ABCB7: variants seen among roughly 807,000 people sequenced by gnomAD.
The protein encoded by ABCB7 is ATP binding cassette subfamily B member 7, also known as iron-sulfur clusters transporter ABCB7, mitochondrial.
A neutral mutation model predicts 54.4 loss-of-function variants in ABCB7; 7 were observed. The ratio of observed to expected loss-of-function variants is 0.13; its 90% CI spans 0.07 to 0.24. The LOEUF (loss-of-function observed/expected upper bound fraction) is 0.24. Among genes scored for constraint, ABCB7 ranks in the 10% least tolerant of loss-of-function variants. ABCB7 has a pLI of 1.00. For synonymous variants in ABCB7, 218 were observed against 207.1 expected, an observed-to-expected ratio of 1.05 and a Z score of -0.45; for missense variants, 356 against 570.4, an observed-to-expected ratio of 0.62 and a Z score of 3.83.
chrX:75,061,610 A>G (rs1352500827), intron 14 of ABCB7, among the ~76,000 whole-genome samples: 1 of 111,877 alleles, frequency 8.9e-6, no homozygotes, highest in East Asian at 2.8e-4. Context: ...CTTCAACACT[A>G]GCTTTATACT....
intron 1 of ABCB7, among the ~76,000 whole-genome samples, chrX:75,129,606 A>AATAT (rs200770704): frequency 4.8e-5 from 5 of 105,022 alleles, no homozygotes; most frequent in African/African-American, 1.4e-4. Context: ...AAATATATAT[A>AATAT]ATATATATAT....
rs199498531 is a variant in ABCB7 at position 75,125,776 on chromosome X, CAATTG to C, written c.169-10950_169-10946del. Among the ~76,000 whole-genome samples, 821 of 110,478 alleles carry C rather than the reference CAATTG, an allele frequency of 7.4e-3. 11 individuals are homozygous for C. The highest frequency in any genetic ancestry group is 0.025 in the African/African-American group (767 of 30,450). On this transcript the variant is annotated intron_variant, in intron 1 of 15. Coordinates refer to ENST00000373394, the MANE Select transcript of ABCB7 (RefSeq NM_001271696.3). ...CTGATAATGCTGCTTTTGCCCAAAC[CAATTG>C]AATTAGCTCCTCAAATGAAAAAAAG...
At chrX:75,059,249 G>C (rs1309800323) in intron 15 of ABCB7, among the ~76,000 whole-genome samples, 1 of 110,514 alleles carries the variant, frequency 9.0e-6, no homozygotes, top group African/African-American at 3.3e-5. Flanking sequence ...AGTCTAAGGT[G>C]GGCGGATCAC....
intron 3 of ABCB7, among the ~76,000 whole-genome samples, chrX:75,100,198 T>A (rs1228547843): frequency 9.0e-6 from 1 of 110,847 alleles, no homozygotes; most frequent in African/African-American, 3.3e-5. Flanking sequence ...TCATCAATTA[T>A]CGCGTAAACC....
intron 4 of ABCB7, among the ~76,000 whole-genome samples, chrX:75,093,029 T>C (rs1457735032): frequency 2.7e-5 from 3 of 111,853 alleles, no homozygotes; most frequent in Non-Finnish European, 5.7e-5. Context: ...CAAAACATAG[T>C]CTTACAAGAC....
At chrX:75,126,594 C>CA (rs954310103) in intron 1 of ABCB7, among the ~76,000 whole-genome samples, 78 of 102,584 alleles carry the variant, frequency 7.6e-4, no homozygotes, top group East Asian at 2.4e-3. Flanking sequence ...AAAAATGCTT[C>CA]AAAAAAAAAA....
chrX:75,062,464 T>C (rs1382283022), intron 13 of ABCB7, 33 bp from the exon 14 acceptor site: 1 of 1,034,375 alleles, frequency 9.7e-7, no homozygotes, highest in South Asian at 1.9e-5. Context: ...TAAGGAAGCA[T>C]AGTGCATGCA....
chrX:75,145,203 G>A (rs1344871062), intron 1 of ABCB7, among the ~76,000 whole-genome samples: 7 of 110,884 alleles, frequency 6.3e-5, no homozygotes, highest in Non-Finnish European at 1.3e-4. Context: ...CCAAAAAATT[G>A]AGAAGGAACT....
chrX:75,067,071 T>G (rs2081325859), intron 12 of ABCB7, among the ~76,000 whole-genome samples: 1 of 111,818 alleles, frequency 8.9e-6, no homozygotes, highest in Non-Finnish European at 1.9e-5. Flanking sequence ...ATAAAGGGTA[T>G]GAATATTTTT....
In ABCB7 at chrX:75,111,475, G is replaced by C. The variant is rs1602382318; in HGVS notation, c.333+1411C>G. Among the ~76,000 whole-genome samples, 4 of 111,720 alleles carry C rather than the reference G, an allele frequency of 3.6e-5. No individual in the cohort carries two copies. In the South Asian group the frequency reaches 1.5e-3, roughly 42 times the overall value. On this transcript the variant is annotated intron_variant, in intron 3 of 15. Coordinates refer to ENST00000373394, the MANE Select transcript of ABCB7 (RefSeq NM_001271696.3). ...AAATTATCATCTCCATTTTACAGAT[G>C]AAGAAACTGAAGTACACAGAGATTA... is the stretch of plus-strand genomic sequence containing the variant.
intron 3 of ABCB7, among the ~76,000 whole-genome samples, chrX:75,110,315 T>C (rs1251484208): frequency 8.9e-6 from 1 of 112,178 alleles, no homozygotes; most frequent in Non-Finnish European, 1.9e-5. Context: ...TTTGATTATG[T>C]ATGAAATCAG....
chrX:75,078,585 G>A (rs1196911276), intron 4 of ABCB7, among the ~76,000 whole-genome samples: 3 of 111,207 alleles, frequency 2.7e-5, no homozygotes, highest in Non-Finnish European at 5.7e-5. Context: ...ATGGTGAAAG[G>A]TAGGTACCTT....
intron 6 of ABCB7, among the ~76,000 whole-genome samples, chrX:75,074,902 G>A (rs1401712680): frequency 2.7e-5 from 3 of 110,743 alleles, no homozygotes; most frequent in African/African-American, 9.9e-5. Context: ...TCACTACCTG[G>A]TGATGAAATA....
At chrX:75,060,360 G>T in intron 14 of ABCB7, 30 bp from the exon 15 acceptor site, 1 of 1,064,115 alleles carries the variant, frequency 9.4e-7, no homozygotes, top group Non-Finnish European at 1.3e-6. Flanking sequence ...AAGAACAGGA[G>T]AAAATAAAAA....
intron 3 of ABCB7, among the ~76,000 whole-genome samples, chrX:75,107,551 G>T (rs1317108910): frequency 9.0e-6 from 1 of 111,638 alleles, no homozygotes; most frequent in African/African-American, 3.3e-5. Flanking sequence ...AGTCGTGAGG[G>T]CCCTATTCCA....
At chrX:75,124,404 T>C (rs1005947515) in intron 1 of ABCB7, among the ~76,000 whole-genome samples, 1 of 112,171 alleles carries the variant, frequency 8.9e-6, no homozygotes, top group Non-Finnish European at 1.9e-5. Context: ...TGAAGTTTCA[T>C]TGTTCCCATT....
chrX:75,146,045 C>G (rs1229043120), intron 1 of ABCB7, among the ~76,000 whole-genome samples: 1 of 111,056 alleles, frequency 9.0e-6, no homozygotes, highest in Non-Finnish European at 1.9e-5. Flanking sequence ...CAATGAGGAA[C>G]AAACTTTCAT....
At chrX:75,089,804 C>G (rs1467374868) in intron 4 of ABCB7, among the ~76,000 whole-genome samples, 4 of 109,699 alleles carry the variant, frequency 3.6e-5, no homozygotes, top group Non-Finnish European at 7.7e-5. Context: ...TTAAAAAAAA[C>G]AGATTGTCAG....
chrX:75,155,960 C>A, intron 1 of ABCB7, 145 bp downstream of exon 1: 1 of 670,702 alleles, frequency 1.5e-6, no homozygotes, highest in Non-Finnish European at 2.3e-6. Flanking sequence ...AAATTACTGA[C>A]GTTAATTTCC....
Sources: gnomAD v4.1 joint callset for allele counts (sites outside exome capture counted in the v4.1 genomes callset) on GRCh38, gnomAD v4.1.1 for gene constraint, MANE v1.5 for transcripts, NCBI Gene and HGNC (gene_info 2026-07-23, HGNC 2026-07-21) for gene names.